GRIK2: variants seen among roughly 807,000 people sequenced by gnomAD.
GRIK2 encodes glutamate ionotropic receptor kainate type subunit 2.
Under a neutral mutation model 100.3 loss-of-function variants are expected in GRIK2, and 32 were observed. That is an observed-to-expected ratio of 0.32 (90% CI 0.24 to 0.43). The LOEUF (loss-of-function observed/expected upper bound fraction) is 0.43. Ranked by LOEUF, GRIK2 falls within the 20% of genes least tolerant of loss-of-function variation. The pLI is 1.00. For missense variants in GRIK2, 843 were observed against 1,114.9 expected, an observed-to-expected ratio of 0.76 and a Z score of 3.47; for synonymous variants, 417 against 389.4, an observed-to-expected ratio of 1.07 and a Z score of -0.83.
At chr6:101,980,891 C>CTTT (rs36081447) in intron 14 of GRIK2, among the ~76,000 whole-genome samples, 5 of 124,768 alleles carry the variant, frequency 4.0e-5, no homozygotes, top group Non-Finnish European at 6.8e-5. Flanking sequence ...CCATTTTTTC[C>CTTT]TTTTTTTTTT....
chr6:101,751,481 A>G (rs564870802), intron 7 of GRIK2, among the ~76,000 whole-genome samples: 89 of 152,318 alleles, frequency 5.8e-4, no homozygotes, highest in African/African-American at 2.1e-3. Flanking sequence ...ATTACTAAAA[A>G]TATGGGCTTT....
At chr6:101,864,502 C>T (rs570375543) in intron 11 of GRIK2, among the ~76,000 whole-genome samples, 1 of 152,260 alleles carries the variant, frequency 6.6e-6, no homozygotes, top group African/African-American at 2.4e-5. Context: ...AAACAGCATA[C>T]AAACAGTTCT....
chr6:101,491,452 G>C (rs1240525856), intron 2 of GRIK2, among the ~76,000 whole-genome samples: 2 of 151,874 alleles, frequency 1.3e-5, no homozygotes, highest in Non-Finnish European at 2.9e-5. Context: ...CTGGAAAAAT[G>C]CCCTTTAACT....
chr6:101,470,170 A>C (rs1485641352), intron 2 of GRIK2, among the ~76,000 whole-genome samples: 2 of 152,024 alleles, frequency 1.3e-5, no homozygotes, highest in Admixed American at 6.6e-5. Context: ...ATTTCCAGTG[A>C]ATTTTGTCCC....
chr6:101,439,084 G>C (rs1294398340), intron 2 of GRIK2, among the ~76,000 whole-genome samples: 5 of 152,140 alleles, frequency 3.3e-5, no homozygotes, highest in African/African-American at 1.2e-4. Flanking sequence ...TTGCTCAGCT[G>C]CTTTCAATGT....
At chr6:101,557,257 C>T (rs1323280982) in intron 2 of GRIK2, among the ~76,000 whole-genome samples, 1 of 152,008 alleles carries the variant, frequency 6.6e-6, no homozygotes, top group Non-Finnish European at 1.5e-5. Flanking sequence ...TCAAGTACCA[C>T]GAAAATAACA....
intron 14 of GRIK2, among the ~76,000 whole-genome samples, chr6:101,994,036 C>CAGAT (rs1794525387): frequency 6.8e-6 from 1 of 147,472 alleles, no homozygotes; most frequent in Non-Finnish European, 1.5e-5. Flanking sequence ...ACATTATATA[C>CAGAT]AGATATATAC....
chr6:101,520,017 T>G (rs1774801125), intron 2 of GRIK2, among the ~76,000 whole-genome samples: 1 of 152,102 alleles, frequency 6.6e-6, no homozygotes. Flanking sequence ...GACATCTATC[T>G]TAAGACATTG....
In GRIK2 at chr6:102,013,133, C is replaced by T. The variant is rs542662800; in HGVS notation, c.2086-22208C>T. On this transcript the variant is annotated intron_variant, in intron 14 of 16. Coordinates refer to ENST00000369134, the MANE Select transcript of GRIK2 (RefSeq NM_021956.5). ...TTTGAGGAGTGTTTTGAAATTCTCA[C>T]GGTAAAGATCTTTTACCTCCCTGAT... 5.0e-4 allele frequency among the ~76,000 whole-genome samples: 76 copies of T among 152,096 alleles called. 1 individual carries two copies. The highest frequency in any genetic ancestry group is 1.8e-3 in the African/African-American group (74 of 41,518).
intron 2 of GRIK2, among the ~76,000 whole-genome samples, chr6:101,476,829 G>A (rs548253376): frequency 6.6e-6 from 1 of 152,212 alleles, no homozygotes; most frequent in African/African-American, 2.4e-5. Context: ...GTCAAGCTAA[G>A]CACTATGAAT....
chr6:101,893,535 T>C (rs1787241631), intron 12 of GRIK2, among the ~76,000 whole-genome samples: 2 of 151,872 alleles, frequency 1.3e-5, no homozygotes, highest in South Asian at 2.1e-4. Context: ...TTTTGGTCAT[T>C]ATCTGATGTC....
intron 11 of GRIK2, 44 bp downstream of exon 11, chr6:101,859,537 C>T: frequency 9.1e-7 from 1 of 1,096,208 alleles, no homozygotes; most frequent in Admixed American, 1.7e-5. Context: ...TATGTTGCTA[C>T]AAGGTTTACT....
At chr6:101,604,780 TATG>T (rs1300146809) in intron 2 of GRIK2, among the ~76,000 whole-genome samples, 1 of 151,990 alleles carries the variant, frequency 6.6e-6, no homozygotes, top group Admixed American at 6.6e-5. Flanking sequence ...CTAAGCAAGA[TATG>T]ATATCTTATT....
intron 6 of GRIK2, among the ~76,000 whole-genome samples, chr6:101,683,679 C>T (rs983422077): frequency 6.6e-6 from 1 of 152,106 alleles, no homozygotes; most frequent in African/African-American, 2.4e-5. Flanking sequence ...TTAACATCTT[C>T]GTTCGAATGA....
chr6:101,674,490 T>C (rs1770680447), intron 4 of GRIK2, among the ~76,000 whole-genome samples: 2 of 152,230 alleles, frequency 1.3e-5, no homozygotes, highest in East Asian at 3.8e-4. Context: ...GTTTTCTGAA[T>C]GTATAGTTTT....
At chr6:101,964,880 T>TAG (rs763521134) in intron 14 of GRIK2, among the ~76,000 whole-genome samples, 19 of 151,864 alleles carry the variant, frequency 1.3e-4, no homozygotes, top group African/African-American at 4.6e-4. Flanking sequence ...GAGTCAGGCA[T>TAG]AGAGAGAGAG....
chr6:101,787,892 A>T (rs1464064032), intron 7 of GRIK2, among the ~76,000 whole-genome samples: 1 of 152,124 alleles, frequency 6.6e-6, no homozygotes, highest in Non-Finnish European at 1.5e-5. Context: ...TTGAGAGTGG[A>T]TATTAAAGTC....
chr6:101,799,329 CAG>C (rs1269794415), intron 7 of GRIK2, among the ~76,000 whole-genome samples: 1 of 149,716 alleles, frequency 6.7e-6, no homozygotes, highest in Non-Finnish European at 1.5e-5. Context: ...GAGTAAGAAT[CAG>C]AGATAGTGAC....
intron 15 of GRIK2, 143 bp downstream of exon 15, chr6:102,035,709 A>C (rs1770234018): frequency 1.8e-6 from 1 of 571,378 alleles, no homozygotes; most frequent in South Asian, 2.5e-5. Context: ...GTATAAAAGC[A>C]GGTTATCATT....
Sources: allele counts gnomAD v4.1 joint callset (sites outside exome capture counted in the v4.1 genomes callset), GRCh38; gene constraint gnomAD v4.1.1; transcripts MANE v1.5; gene names NCBI Gene and HGNC (gene_info 2026-07-23, HGNC 2026-07-21).